The following TMEM201 variants were observed in gnomAD, a reference collection of about 807,000 sequenced individuals.
TMEM201 encodes the protein transmembrane protein 201.
A neutral mutation model predicts 63.4 loss-of-function variants in TMEM201; 26 were observed. The ratio of observed to expected loss-of-function variants is 0.41; its 90% CI spans 0.30 to 0.57. TMEM201 has a LOEUF of 0.57. Among genes scored for constraint, TMEM201 ranks in the 20% least tolerant of loss-of-function variants. The pLI, the probability that TMEM201 is intolerant of heterozygous loss-of-function variation, is 0.29. For missense variants in TMEM201, 794 were observed against 917.7 expected, an observed-to-expected ratio of 0.87 and a Z score of 1.74; for synonymous variants, 417 against 421.6, an observed-to-expected ratio of 0.99 and a Z score of 0.14.
chr1:9,613,052 C>T lies in TMEM201; in HGVS notation c.1970C>T (p.Thr657Ile). Residue 657 changes from threonine to isoleucine, a missense_variant, in exon 11 of 11, where the codon ACC becomes ATC. Physicochemically the swap from Thr to Ile is moderately conservative, Grantham distance 89 (BLOSUM62 -1). Coordinates refer to ENST00000340381, the MANE Select transcript of TMEM201 (RefSeq NM_001130924.3). ...AVSLAANALFTSVFLYQSLR is the reference protein window; with the variant it reads ...AVSLAANALFISVFLYQSLR Reference sequence around the variant, plus strand: ...AGCTTGGCCGCCAACGCCCTGTTCACCTCGGTGTTTCTGTACCAGAGCCTG... The same window carrying T: ...AGCTTGGCCGCCAACGCCCTGTTCATCTCGGTGTTTCTGTACCAGAGCCTG... 1.3e-6 allele frequency: 2 copies of T among 1,551,354 alleles called. No individual in the cohort carries two copies. The highest frequency in any genetic ancestry group is 1.7e-6 in the Non-Finnish European group (2 of 1,147,000).
rs886291913 is a variant in TMEM201, at chr1:9,604,476, A to G, written c.1160+2204A>G. ...TTCCAGCACCAAGTGTTGTGGCAACAGCTGAGAGAGTGCAGGCACCACTGT... is the reference window on the plus strand; with the variant it reads ...TTCCAGCACCAAGTGTTGTGGCAACGGCTGAGAGAGTGCAGGCACCACTGT... On this transcript the variant is annotated intron_variant, in intron 6 of 10. Coordinates refer to ENST00000340381, the MANE Select transcript of TMEM201 (RefSeq NM_001130924.3). The surrounding 1 kb of genome is among the most constrained non-coding windows in gnomAD (Gnocchi z 4.1). 5 of 985,472 alleles carry G rather than the reference A, an allele frequency of 5.1e-6. No individual in the cohort carries two copies. The highest frequency in any genetic ancestry group is 6.0e-6 in the Non-Finnish European group (5 of 829,940). The allele number at this position is 985,472 out of a possible 1,614,324, so 61.0% of individuals were successfully genotyped here. A position where few individuals can be genotyped will look rare whatever the true frequency, so the allele number is the denominator to read the frequency against.
In TMEM201 at chr1:9,608,607, A is replaced by T. The variant is rs920868018; in HGVS notation, c.1393+818A>T. Among the ~76,000 whole-genome samples the T allele has an allele frequency of 2.6e-5, 4 of 152,224 alleles. No homozygotes were observed. Among genetic ancestry groups the T allele is most frequent in the Non-Finnish European group, 5.9e-5 (4 of 68,038 alleles). ...GGAACTTGGGGTGGGAGGTGCCAGG[A>T]GCAGCCCTGCCCTGGGCCTGAGCAC... On this transcript the variant is annotated intron_variant, in intron 7 of 10. Transcript: ENST00000340381. This position sits in a 1 kb window ranked among gnomAD's most constrained non-coding sequence, Gnocchi z 4.3.
chr1:9,593,616 C>CATGA (rs1333346037), intron 1 of TMEM201, among the ~76,000 whole-genome samples: 5 of 152,212 alleles, frequency 3.3e-5, no homozygotes, highest in Non-Finnish European at 7.3e-5. Context: ...GCAGGAGATT[C>CATGA]AGAATGGAAA....
Position 9,604,895 on chromosome 1 carries a change from A to G in TMEM201, c.1160+2623A>G, listed in dbSNP as rs994375172. 1.0e-6 allele frequency: 1 copy of G among 985,698 alleles called. No homozygotes were observed. The highest frequency in any genetic ancestry group is 1.7e-5 in the African/African-American group (1 of 57,206). 61.1% of individuals were successfully genotyped at this position (985,698 alleles called of 1,614,324 possible). A position where few individuals can be genotyped will look rare whatever the true frequency, so the allele number is the denominator to read the frequency against. ...ACTGTAACCATCGCGCCTGGCCTAG[A>G]TGTCGTGTTTTGGATGCTGTGTTTT... On this transcript the variant is annotated intron_variant, in intron 6 of 10. Transcript: ENST00000340381. This position sits in a 1 kb window ranked among gnomAD's most constrained non-coding sequence, Gnocchi z 4.1.
chr1:9,611,099 C>T lies in TMEM201; in HGVS notation c.1765+294C>T, dbSNP rs763491068. 46 of 1,472,482 alleles carry T rather than the reference C, an allele frequency of 3.1e-5. No homozygotes were observed. The African/African-American group carries it at 6.1e-4, about 20-fold the overall frequency. 91.2% of individuals were successfully genotyped at this position (1,472,482 alleles called of 1,614,324 possible). On this transcript the variant is annotated intron_variant, in intron 9 of 10. Transcript: ENST00000340381. ...GTGCGTGTGGCCACAGATAGTTTCACTCAAATGGTGCTGTACTGCAAAGCA... is the reference window on the plus strand; with the variant it reads ...GTGCGTGTGGCCACAGATAGTTTCATTCAAATGGTGCTGTACTGCAAAGCA...
chr1:9,607,262 C>T lies in TMEM201; in HGVS notation c.1161-295C>T, dbSNP rs1010736905. On this transcript the variant is annotated intron_variant, in intron 6 of 10. Transcript: ENST00000340381. This position sits in a 1 kb window ranked among gnomAD's most constrained non-coding sequence, Gnocchi z 5.4. ...AGGGTTGGCATGAGGTTGGCAAAGG[C>T]GACAGTGTCACTTTAATACCGAGAC... Among the ~76,000 whole-genome samples the T allele has an allele frequency of 2.6e-5, 4 of 151,654 alleles. No individual in the cohort carries two copies. The highest frequency in any genetic ancestry group is 5.9e-5 in the Non-Finnish European group (4 of 67,974).
At chr1:9,597,601 G>A (rs1024444848) in intron 3 of TMEM201, among the ~76,000 whole-genome samples, 13 of 152,196 alleles carry the variant, frequency 8.5e-5, no homozygotes, top group African/African-American at 2.4e-4. Context: ...CCTCCATGGA[G>A]TCCAAGAGCC....
chr1:9,608,911 G>A lies in TMEM201; in HGVS notation c.1394-929G>A, dbSNP rs1453188284. On this transcript the variant is annotated intron_variant, in intron 7 of 10. Transcript: ENST00000340381. The surrounding 1 kb of genome is among the most constrained non-coding windows in gnomAD (Gnocchi z 4.3). ...CAGTCTCCATTACCAGAGTGGGTCG[G>A]GGGGAGGAGCCCGGTCTCCATCGCC... is the stretch of plus-strand genomic sequence containing the variant. Among the ~76,000 whole-genome samples, 2 of 152,200 alleles carry A rather than the reference G, an allele frequency of 1.3e-5. No homozygotes were observed. Among genetic ancestry groups the A allele is most frequent in the African/African-American group, 2.4e-5 (1 of 41,456 alleles).
Sources: allele counts gnomAD v4.1 joint callset (sites outside exome capture counted in the v4.1 genomes callset), GRCh38; gene constraint gnomAD v4.1.1; non-coding constraint Gnocchi (gnomAD v3.1); transcripts MANE v1.5; gene names NCBI Gene and HGNC (gene_info 2026-07-23, HGNC 2026-07-21).